UBE2E2: variants seen among roughly 807,000 people sequenced by gnomAD.
UBE2E2 encodes the protein ubiquitin conjugating enzyme E2 E2, also known as ubiquitin-conjugating enzyme E2 E2.
A neutral mutation model predicts 24.7 loss-of-function variants in UBE2E2; 6 were observed. The ratio of observed to expected loss-of-function variants is 0.24; its 90% CI spans 0.13 to 0.48. UBE2E2 has a LOEUF of 0.48. Ranked by LOEUF, UBE2E2 falls within the 20% of genes least tolerant of loss-of-function variation. UBE2E2 has a pLI of 0.99. For missense variants in UBE2E2, 169 were observed against 245.0 expected, an observed-to-expected ratio of 0.69 and a Z score of 2.07; for synonymous variants, 104 against 83.6, an observed-to-expected ratio of 1.24 and a Z score of -1.33.
chr3:23,580,041 CA>C (rs1197518492), intron 5 of UBE2E2, among the ~76,000 whole-genome samples: 3 of 152,130 alleles, frequency 2.0e-5, no homozygotes, highest in Admixed American at 6.6e-5. Context: ...CAAACTTGAA[CA>C]GATGAAGAGT....
At chr3:23,515,164 TAG>T (rs552410806) in intron 4 of UBE2E2, among the ~76,000 whole-genome samples, 1 of 151,118 alleles carries the variant, frequency 6.6e-6, no homozygotes, top group Admixed American at 6.6e-5. Flanking sequence ...TACATATATA[TAG>T]AGAGAGAGAT....
intron 3 of UBE2E2, among the ~76,000 whole-genome samples, chr3:23,269,745 T>C (rs1698181309): frequency 6.6e-6 from 1 of 152,106 alleles, no homozygotes; most frequent in South Asian, 2.1e-4. Context: ...ATTAGAGCTC[T>C]TCATGGGTAG....
At chr3:23,308,593 T>G (rs1157931066) in intron 3 of UBE2E2, among the ~76,000 whole-genome samples, 1 of 152,236 alleles carries the variant, frequency 6.6e-6, no homozygotes, top group African/African-American at 2.4e-5. Context: ...GGTATTCTTA[T>G]TAGACACTTG....
At chr3:23,433,200 A>G (rs1385967096) in intron 3 of UBE2E2, among the ~76,000 whole-genome samples, 1 of 151,956 alleles carries the variant, frequency 6.6e-6, no homozygotes, top group East Asian at 1.9e-4. Context: ...GTGGACCAAA[A>G]TCTTATACTC....
intron 3 of UBE2E2, among the ~76,000 whole-genome samples, chr3:23,477,910 T>C (rs567505188): frequency 7.4e-4 from 112 of 152,262 alleles, no homozygotes; most frequent in African/African-American, 2.6e-3. Flanking sequence ...AAGGCGCTTT[T>C]CCCCCTTTGC....
chr3:23,566,741 AC>A (rs1301299172), intron 5 of UBE2E2, among the ~76,000 whole-genome samples: 2 of 151,434 alleles, frequency 1.3e-5, no homozygotes, highest in African/African-American at 4.9e-5. Flanking sequence ...TGAGGGATCC[AC>A]CCCCCTGACC....
At chr3:23,501,232 C>T (rs1487159225) in intron 4 of UBE2E2, among the ~76,000 whole-genome samples, 1 of 152,146 alleles carries the variant, frequency 6.6e-6, no homozygotes, top group African/African-American at 2.4e-5. Context: ...GTGATCTGTT[C>T]CTTGAGATTA....
chr3:23,568,333 T>G (rs969157089), intron 5 of UBE2E2, among the ~76,000 whole-genome samples: 2 of 152,152 alleles, frequency 1.3e-5, no homozygotes, highest in Non-Finnish European at 2.9e-5. Context: ...TATTTTGCAG[T>G]ACTAGTTACT....
At chr3:23,284,955 A>G (rs1197886332) in intron 3 of UBE2E2, among the ~76,000 whole-genome samples, 8 of 89,836 alleles carry the variant, frequency 8.9e-5, no homozygotes, top group African/African-American at 2.9e-4. Context: ...TTCTTGTTGG[A>G]AAAAAAAATA....
intron 3 of UBE2E2, among the ~76,000 whole-genome samples, chr3:23,479,811 A>G (rs866471291): frequency 2.6e-5 from 4 of 152,346 alleles, no homozygotes; most frequent in African/African-American, 9.6e-5. Flanking sequence ...CAAGCAGGTC[A>G]TCTAGAGGAG....
chr3:23,254,462 T>G (rs1329987188), intron 3 of UBE2E2, among the ~76,000 whole-genome samples: 1 of 152,180 alleles, frequency 6.6e-6, no homozygotes, highest in Non-Finnish European at 1.5e-5. Context: ...TGGTCCAGGC[T>G]AGTTTGTGCA....
At chr3:23,383,940 A>G (rs918735731) in intron 3 of UBE2E2, among the ~76,000 whole-genome samples, 28 of 150,550 alleles carry the variant, frequency 1.9e-4, no homozygotes, top group Non-Finnish European at 2.1e-4. Flanking sequence ...TAAAACTATT[A>G]ATAAATTAAC....
intron 3 of UBE2E2, among the ~76,000 whole-genome samples, chr3:23,409,824 C>T (rs1697457265): frequency 6.6e-6 from 1 of 152,112 alleles, no homozygotes; most frequent in Non-Finnish European, 1.5e-5. Flanking sequence ...GCTAGAAGTC[C>T]TTAGAGTTTT....
intron 3 of UBE2E2, among the ~76,000 whole-genome samples, chr3:23,253,702 G>T (rs1697640074): frequency 6.6e-6 from 1 of 152,148 alleles, no homozygotes; most frequent in Non-Finnish European, 1.5e-5. Flanking sequence ...TATGTGAAGA[G>T]AAATAGCTGA....
At chr3:23,371,540 T>C (rs2359759) in intron 3 of UBE2E2, among the ~76,000 whole-genome samples, 68,674 of 151,916 alleles carry the variant, frequency 0.45, 15,812 homozygotes, top group Admixed American at 0.57. Flanking sequence ...AGTGGCTTTG[T>C]ATTTAAGAGG....
At chr3:23,492,244 T>A (rs1195465672) in intron 3 of UBE2E2, among the ~76,000 whole-genome samples, 1 of 152,122 alleles carries the variant, frequency 6.6e-6, no homozygotes, top group South Asian at 2.1e-4. Context: ...TGGACATAGG[T>A]GCAATATATA....
chr3:23,540,281 G>C (rs988430660), intron 5 of UBE2E2, among the ~76,000 whole-genome samples: 1 of 152,116 alleles, frequency 6.6e-6, no homozygotes, highest in Non-Finnish European at 1.5e-5. Flanking sequence ...GTCAGAACAG[G>C]TTGCTGCATC....
intron 3 of UBE2E2, among the ~76,000 whole-genome samples, chr3:23,231,001 C>T (rs898779275): frequency 7.9e-5 from 12 of 152,000 alleles, no homozygotes; most frequent in African/African-American, 2.9e-4. Flanking sequence ...CCAGGGCTTT[C>T]TAGAGAAATA....
At chr3:23,222,082 A>T (rs1393903748) in intron 3 of UBE2E2, among the ~76,000 whole-genome samples, 1 of 152,080 alleles carries the variant, frequency 6.6e-6, no homozygotes, top group Non-Finnish European at 1.5e-5. Context: ...CTCTCATGTA[A>T]GAGTGAGAAC....
Sources: gnomAD v4.1 joint callset for allele counts (sites outside exome capture counted in the v4.1 genomes callset) on GRCh38, gnomAD v4.1.1 for gene constraint, MANE v1.5 for transcripts, NCBI Gene and HGNC (gene_info 2026-07-23, HGNC 2026-07-21) for gene names.